Variants in ITGB8 observed in about 807,000 individuals in gnomAD.
ITGB8 encodes integrin beta-8.
Under a neutral mutation model 89.5 loss-of-function variants are expected in ITGB8, and 30 were observed. The ratio of observed to expected loss-of-function variants is 0.34; its 90% CI spans 0.25 to 0.45. The LOEUF (loss-of-function observed/expected upper bound fraction) is 0.45. ITGB8 is among the 20% of genes least tolerant of loss of function. ITGB8 has a pLI of 1.00. For synonymous variants in ITGB8, 335 were observed against 320.4 expected, an observed-to-expected ratio of 1.05 and a Z score of -0.49; for missense variants, 836 against 933.3, an observed-to-expected ratio of 0.90 and a Z score of 1.36.
chr7:20,364,238 A>G (rs1179601313), intron 2 of ITGB8, among the ~76,000 whole-genome samples: 2 of 152,142 alleles, frequency 1.3e-5, no homozygotes, highest in African/African-American at 4.8e-5. Context: ...GCCTGTATCT[A>G]GTAAATTGCA....
intron 1 of ITGB8, among the ~76,000 whole-genome samples, chr7:20,336,697 C>G (rs1784589706): frequency 6.6e-6 from 1 of 152,204 alleles, no homozygotes. Context: ...TTTCCCCTAG[C>G]TCCCCATTGT....
At position 20,398,937 on chromosome 7, in the gene ITGB8, A is replaced by G. The variant is rs1156462444; in HGVS notation, c.1224A>G (p.Pro408=). 6.2e-7 allele frequency: 1 copy of G among 1,613,530 alleles called. No individual in the cohort carries two copies. The highest frequency in any genetic ancestry group is 8.5e-7 in the Non-Finnish European group (1 of 1,179,824). ...ATTTTAACATTACCGCCATCTGTCC[A>G]GATGGGTCCAGAAAGCCAGGCATGG... ...GIYFNITAIC[P]DGSRKPGMEG... Residue 408 remains proline (P), a synonymous_variant, in exon 9 of 14, where the codon CCA becomes CCG. Transcript: ENST00000222573.
chr7:20,415,192 TATTAA>T lies in ITGB8; in HGVS notation c.*5196_*5200del, dbSNP rs1787888910. ...TTATAAGAAAATATACATTTGCACATATTAATATAGAAATTCATTTTGTGTATATT... is the reference window on the plus strand; with the variant it reads ...TTATAAGAAAATATACATTTGCACATTATAGAAATTCATTTTGTGTATATT... On this transcript the variant is annotated 3_prime_UTR_variant, in exon 14 of 14. Coordinates refer to ENST00000222573, the MANE Select transcript of ITGB8 (RefSeq NM_002214.3). 6.6e-6 allele frequency: 1 copy of T among 152,290 alleles called. No homozygotes were observed. The highest frequency in any genetic ancestry group is 1.5e-5 in the Non-Finnish European group (1 of 67,910). The allele number at this position is 152,290 out of a possible 1,614,324, so 9.4% of individuals were successfully genotyped here.
At chr7:20,406,539 G>A (rs6956034) in intron 12 of ITGB8, among the ~76,000 whole-genome samples, 143,819 of 151,486 alleles carry the variant, frequency 0.95, 68,315 homozygotes, top group East Asian at 0.99. Context: ...AACAAGAGAG[G>A]AACCCCATTT....
intron 7 of ITGB8, 40 bp downstream of exon 7, chr7:20,391,538 A>C: frequency 9.3e-7 from 1 of 1,071,002 alleles, no homozygotes; most frequent in Non-Finnish European, 1.4e-6. Context: ...AATTTTTTTC[A>C]TTGGTAATTG....
intron 7 of ITGB8, 121 bp downstream of exon 7, chr7:20,391,619 T>C: frequency 2.0e-6 from 1 of 509,256 alleles, no homozygotes; most frequent in South Asian, 3.5e-5. Flanking sequence ...ATCTAAATTC[T>C]ATATTGTATT....
chr7:20,381,830 C>G lies in ITGB8; in HGVS notation c.905C>G (p.Pro302Arg). The G allele has an allele frequency of 1.2e-6, 2 of 1,613,848 alleles. No homozygotes were observed. Among genetic ancestry groups the G allele is most frequent in the Non-Finnish European group, 1.7e-6 (2 of 1,179,876 alleles). Residue 302 changes from proline (P) to arginine (R), a missense_variant, in exon 6 of 14, where the codon CCC becomes CGC. Physicochemically the swap from Pro to Arg is moderately radical, Grantham distance 103. Around this residue, in one of 5 missense-constraint regions of ITGB8, gnomAD observed 192 missense variants for 267.1 expected, o/e 0.72. Coordinates refer to ENST00000222573, the MANE Select transcript of ITGB8 (RefSeq NM_002214.3). The stretch of plus-strand genomic sequence containing the variant: ...AGCAAATTGGCAGGCATAGTGGTGC[C>G]CAATGACGGAAACTGTCATCTGAAA... ...LDSKLAGIVV[P>R]NDGNCHLKNN...
At chr7:20,355,945 T>C (rs140224774) in intron 1 of ITGB8, among the ~76,000 whole-genome samples, 1 of 152,342 alleles carries the variant, frequency 6.6e-6, no homozygotes, top group Non-Finnish European at 1.5e-5. Context: ...TTGAATGACA[T>C]CTGCTTCTTT....
chr7:20,349,647 G>T (rs1388433749), intron 1 of ITGB8, among the ~76,000 whole-genome samples: 2 of 152,026 alleles, frequency 1.3e-5, no homozygotes, highest in African/African-American at 4.8e-5. Flanking sequence ...GCCGTATAGG[G>T]ATAAACAACT....
Position 20,396,401 on chromosome 7 carries a change from C to A in ITGB8, c.1146+1416C>A, listed in dbSNP as rs543945055. On this transcript the variant is annotated intron_variant, in intron 8 of 13. Coordinates refer to ENST00000222573, the MANE Select transcript of ITGB8 (RefSeq NM_002214.3). Reference sequence around the variant, plus strand: ...TGAGCCGAGATTGCGCCACTGCACTCCAGCCTGGGCGACAGAGCAAGACTC... The same window carrying A: ...TGAGCCGAGATTGCGCCACTGCACTACAGCCTGGGCGACAGAGCAAGACTC... 5.7e-4 allele frequency among the ~76,000 whole-genome samples: 86 copies of A among 151,758 alleles called. No individual in the cohort carries two copies. The South Asian group carries it at 0.018, about 31-fold the overall frequency.
chr7:20,370,578 AC>A (rs1192771523), intron 3 of ITGB8, among the ~76,000 whole-genome samples: 24 of 146,594 alleles, frequency 1.6e-4, no homozygotes, highest in Middle Eastern at 3.3e-3. Context: ...CTTTTACACT[AC>A]TTTATTTATT....
At chr7:20,343,498 T>A (rs990299348) in intron 1 of ITGB8, among the ~76,000 whole-genome samples, 1 of 152,174 alleles carries the variant, frequency 6.6e-6, no homozygotes, top group Non-Finnish European at 1.5e-5. Context: ...GCTGTTATTC[T>A]ACAACAGGAA....
chr7:20,338,109 A>C (rs1300246062), intron 1 of ITGB8, among the ~76,000 whole-genome samples: 2 of 152,240 alleles, frequency 1.3e-5, no homozygotes, highest in African/African-American at 4.8e-5. Context: ...CACACTGCCC[A>C]GTTCCTAACT....
chr7:20,347,114 C>T (rs963803920), intron 1 of ITGB8, among the ~76,000 whole-genome samples: 1 of 152,176 alleles, frequency 6.6e-6, no homozygotes, highest in South Asian at 2.1e-4. Context: ...GGCTCCCTCG[C>T]CATACCACCA....
chr7:20,396,910 A>G lies in ITGB8; in HGVS notation c.1146+1925A>G, dbSNP rs77914956. Among the ~76,000 whole-genome samples, 632 of 152,360 alleles carry G rather than the reference A, an allele frequency of 4.1e-3. 3 individuals are homozygous for G. The highest frequency in any genetic ancestry group is 6.7e-3 in the Non-Finnish European group (455 of 68,036). Reference sequence around the variant, plus strand: ...CAACCGTAAACAGTGGAAAAATAATATTAAATCCAACAAAAACTTACTGGG... The same window carrying G: ...CAACCGTAAACAGTGGAAAAATAATGTTAAATCCAACAAAAACTTACTGGG... On this transcript the variant is annotated intron_variant, in intron 8 of 13. Coordinates refer to ENST00000222573, the MANE Select transcript of ITGB8 (RefSeq NM_002214.3).
rs138847520 is a variant in ITGB8, at chr7:20,359,112, T to C, written c.128-4525T>C. ...CACATTTTCTTTATCCAGCCCACCA[T>C]TGAAGGGCACCTAGGTTGATTCCAT... On this transcript the variant is annotated intron_variant, in intron 1 of 13. Transcript: ENST00000222573. 3.2e-4 allele frequency among the ~76,000 whole-genome samples: 49 copies of C among 152,320 alleles called. No homozygotes were observed. The East Asian group carries it at 4.6e-3, about 14-fold the overall frequency.
chr7:20,405,327 A>AT (rs1554314517), intron 11 of ITGB8, among the ~76,000 whole-genome samples: 9 of 139,220 alleles, frequency 6.5e-5, no homozygotes, highest in South Asian at 4.3e-4. Flanking sequence ...ATATATATAT[A>AT]TTTTTTTTTT....
chr7:20,347,895 A>C lies in ITGB8; in HGVS notation c.128-15742A>C, dbSNP rs74691026. Among the ~76,000 whole-genome samples, 1,241 of 152,328 alleles carry C rather than the reference A, an allele frequency of 8.1e-3. 16 individuals carry two copies. Among genetic ancestry groups the C allele is most frequent in the African/African-American group, 0.022 (903 of 41,582 alleles). Reference sequence around the variant, plus strand: ...ACAAGGGGAGTTGCTTGAGAATGAGAGAAGTGATAGAGTGCCCACTCAGTG... The same window carrying C: ...ACAAGGGGAGTTGCTTGAGAATGAGCGAAGTGATAGAGTGCCCACTCAGTG... On this transcript the variant is annotated intron_variant, in intron 1 of 13. Coordinates refer to ENST00000222573, the MANE Select transcript of ITGB8 (RefSeq NM_002214.3).
chr7:20,342,125 T>G (rs1339939662), intron 1 of ITGB8, among the ~76,000 whole-genome samples: 1 of 152,118 alleles, frequency 6.6e-6, no homozygotes, highest in African/African-American at 2.4e-5. Flanking sequence ...TCTTGGCCCT[T>G]TGAACAAACT....
Sources: gnomAD v4.1 joint callset for allele counts (sites outside exome capture counted in the v4.1 genomes callset) on GRCh38, gnomAD v4.1.1 for gene constraint, gnomAD v4.1.1 regional missense constraint, MANE v1.5 for transcripts, NCBI Gene and HGNC (gene_info 2026-07-23, HGNC 2026-07-21) for gene names.